ANO3: variants seen among roughly 807,000 people sequenced by gnomAD.
The protein encoded by ANO3 is anoctamin-3.
ANO3 carries 99 observed loss-of-function variants against 144.8 expected under a neutral mutation model. The observed-to-expected ratio is 0.68, with a 90% CI of 0.58 to 0.81. ANO3 has a LOEUF of 0.81. Among genes scored for constraint, ANO3 ranks in the 30% least tolerant of loss-of-function variants. The probability of loss-of-function intolerance (pLI) is 0.00; values close to 1 mark genes in which losing one functional copy is unlikely to be tolerated. For synonymous variants in ANO3, 414 were observed against 392.6 expected, an observed-to-expected ratio of 1.05 and a Z score of -0.64; for missense variants, 905 against 1,202.2, an observed-to-expected ratio of 0.75 and a Z score of 3.66.
intron 11 of ANO3, among the ~76,000 whole-genome samples, chr11:26,543,007 A>G (rs1435916463): frequency 6.6e-6 from 1 of 152,116 alleles, no homozygotes; most frequent in African/African-American, 2.4e-5. Flanking sequence ...TAAAAGAACT[A>G]TATACAGAAG....
intron 17 of ANO3, among the ~76,000 whole-genome samples, chr11:26,603,414 C>G (rs1253819113): frequency 1.3e-5 from 2 of 151,694 alleles, no homozygotes; most frequent in Non-Finnish European, 2.9e-5. Flanking sequence ...TTCCAATATT[C>G]TATTTTAAAG....
intron 1 of ANO3, among the ~76,000 whole-genome samples, chr11:26,232,554 T>C (rs1852424462): frequency 6.6e-6 from 1 of 152,114 alleles, no homozygotes; most frequent in Non-Finnish European, 1.5e-5. Context: ...ATTTAATAAA[T>C]GATGCAGGGA....
At chr11:26,299,084 T>C (rs1159988519) in intron 1 of ANO3, among the ~76,000 whole-genome samples, 1 of 152,100 alleles carries the variant, frequency 6.6e-6, no homozygotes, top group Non-Finnish European at 1.5e-5. Context: ...CAGGATGAAA[T>C]TACCAGGCAT....
At chr11:26,276,181 A>G (rs1437442583) in intron 1 of ANO3, among the ~76,000 whole-genome samples, 1 of 152,124 alleles carries the variant, frequency 6.6e-6, no homozygotes, top group African/African-American at 2.4e-5. Flanking sequence ...CATTTTTCAT[A>G]TCGGTATCCC....
At chr11:26,440,671 C>A (rs558972201) in intron 1 of ANO3, among the ~76,000 whole-genome samples, 87 of 152,166 alleles carry the variant, frequency 5.7e-4, no homozygotes, top group Middle Eastern at 3.4e-3. Context: ...GAGGCGGCTG[C>A]AAGAGAAGCA....
intron 17 of ANO3, among the ~76,000 whole-genome samples, chr11:26,613,289 A>T (rs1405613784): frequency 2.6e-5 from 4 of 152,020 alleles, no homozygotes; most frequent in African/African-American, 9.7e-5. Context: ...TGTCAATTGT[A>T]TTTTTTATTG....
chr11:26,586,751 C>T (rs1226067789), intron 14 of ANO3, among the ~76,000 whole-genome samples: 2 of 147,980 alleles, frequency 1.4e-5, no homozygotes, highest in African/African-American at 4.9e-5. Flanking sequence ...ATCCACTTGA[C>T]TCGGCCTCCC....
intron 1 of ANO3, among the ~76,000 whole-genome samples, chr11:26,190,540 G>GA (rs1345705438): frequency 1.3e-5 from 2 of 152,048 alleles, no homozygotes; most frequent in Non-Finnish European, 2.9e-5. Context: ...GACTTGGTTA[G>GA]AAAAATAGTT....
At chr11:26,351,532 CT>C (rs2133913102) in intron 1 of ANO3, among the ~76,000 whole-genome samples, 1 of 152,244 alleles carries the variant, frequency 6.6e-6, no homozygotes, top group African/African-American at 2.4e-5. Flanking sequence ...GCTCCTATAA[CT>C]TAATTTCTGA....
chr11:26,208,512 CAAA>C (rs67196052), intron 1 of ANO3, among the ~76,000 whole-genome samples: 3 of 121,666 alleles, frequency 2.5e-5, no homozygotes, highest in Non-Finnish European at 1.7e-5. Flanking sequence ...GACTCCGTCT[CAAA>C]AAAAAAAAAA....
intron 23 of ANO3, among the ~76,000 whole-genome samples, chr11:26,644,034 TAAATTACCCAGTCTC>T (rs1853259075): frequency 6.6e-6 from 1 of 152,180 alleles, no homozygotes; most frequent in South Asian, 2.1e-4. Flanking sequence ...CTGTTCGCTA[TAAATTACCCAGTCTC>T]AGGTATTTTA....
chr11:26,521,246 C>A (rs1320792508), intron 6 of ANO3, among the ~76,000 whole-genome samples: 2 of 151,956 alleles, frequency 1.3e-5, no homozygotes, highest in Non-Finnish European at 2.9e-5. Flanking sequence ...AAAATAATAA[C>A]CTAAATAGGA....
At chr11:26,361,262 T>C (rs1316900812) in intron 1 of ANO3, among the ~76,000 whole-genome samples, 1 of 152,188 alleles carries the variant, frequency 6.6e-6, no homozygotes, top group Non-Finnish European at 1.5e-5. Flanking sequence ...AGGTTCTATA[T>C]TTACAGCAAT....
intron 1 of ANO3, among the ~76,000 whole-genome samples, chr11:26,302,759 TG>T (rs1854266147): frequency 6.6e-6 from 1 of 152,196 alleles, no homozygotes; most frequent in Non-Finnish European, 1.5e-5. Flanking sequence ...TTTCAGCTTT[TG>T]TATGGACATA....
intron 13 of ANO3, among the ~76,000 whole-genome samples, chr11:26,557,381 A>C (rs1266303794): frequency 1.3e-5 from 2 of 151,642 alleles, no homozygotes; most frequent in South Asian, 4.2e-4. Context: ...GAATGGCGTG[A>C]ACCCAGGAAA....
chr11:26,271,002 G>A lies in ANO3; in HGVS notation c.155-38643G>A, dbSNP rs546351811. On this transcript the variant is annotated intron_variant, in intron 1 of 27. Coordinates refer to the ANO3 transcript ENST00000672621. ...TACTGAAGAGAGTGGTAGAAGGTAG[G>A]AGGGAGGAAGGGACAAAAGAAAAGC... 7.0e-4 allele frequency among the ~76,000 whole-genome samples: 106 copies of A among 152,338 alleles called. 1 individual carries two copies. The highest frequency in any genetic ancestry group is 2.3e-3 in the African/African-American group (95 of 41,580).
At chr11:26,223,041 C>CT (rs561661821) in intron 1 of ANO3, among the ~76,000 whole-genome samples, 49 of 145,734 alleles carry the variant, frequency 3.4e-4, no homozygotes, top group East Asian at 1.2e-3. Context: ...TCTGAAGATG[C>CT]TTTTTTTTTT....
intron 4 of ANO3, among the ~76,000 whole-genome samples, chr11:26,486,230 G>A (rs184408587): frequency 7.3e-5 from 11 of 151,716 alleles, no homozygotes; most frequent in East Asian, 2.0e-4. Context: ...ATGTGATGGC[G>A]TGCACCTGTA....
At chr11:26,406,971 C>T (rs1011652538) in intron 1 of ANO3, among the ~76,000 whole-genome samples, 4 of 138,312 alleles carry the variant, frequency 2.9e-5, no homozygotes, top group East Asian at 2.2e-4. Context: ...TATACACACA[C>T]GTATATATAT....
Sources: allele counts gnomAD v4.1 joint callset (sites outside exome capture counted in the v4.1 genomes callset), GRCh38; gene constraint gnomAD v4.1.1; transcripts MANE v1.5; gene names NCBI Gene and HGNC (gene_info 2026-07-23, HGNC 2026-07-21).